The following EIF4ENIF1 variants were observed in gnomAD, a reference collection of about 807,000 sequenced individuals.
EIF4ENIF1 encodes the protein eukaryotic translation initiation factor 4E transporter.
A neutral mutation model predicts 110.5 loss-of-function variants in EIF4ENIF1; 23 were observed. That is an observed-to-expected ratio of 0.21 (90% CI 0.15 to 0.29). The LOEUF is 0.29. Ranked by LOEUF, EIF4ENIF1 falls within the 10% of genes least tolerant of loss-of-function variation. The pLI is 1.00. For missense variants in EIF4ENIF1, 1,031 were observed against 1,221.1 expected (o/e 0.84, Z 2.32); for synonymous variants, 440 against 437.0 (o/e 1.01, Z -0.09).
At chr22:31,448,343 G>C in intron 12 of EIF4ENIF1, 111 bp from the exon 13 acceptor site, 1 of 1,077,376 alleles carries the variant, frequency 9.3e-7, no homozygotes, top group Non-Finnish European at 1.4e-6. Flanking sequence ...GGAAAGCACT[G>C]ATTTATTGGG....
chr22:31,450,763 T>C (rs141281737), intron 10 of EIF4ENIF1: 2,584 of 252,604 alleles, frequency 0.01, 17 homozygotes, highest in Middle Eastern at 0.023. Flanking sequence ...CACATACATA[T>C]ATACATACAT....
Position 31,454,392 on chromosome 22 carries a change from C to T in EIF4ENIF1, c.1280-16G>A, listed in dbSNP as rs755187936. On this transcript the variant is annotated splice_polypyrimidine_tract_variant and intron_variant, in intron 9 of 18. Transcript: ENST00000330125. ...CCTGAATGTGCTGAGAAGTTGAGAA[C>T]GTCCAGGTTAAATCAAGCAAAGAGA... 1.4e-5 allele frequency: 23 copies of T among 1,608,674 alleles called. No homozygotes were observed. The highest frequency in any genetic ancestry group is 1.7e-4 in the Middle Eastern group (1 of 5,770).
At chr22:31,485,765 T>C (rs772455738) in intron 2 of EIF4ENIF1, among the ~76,000 whole-genome samples, 4 of 151,134 alleles carry the variant, frequency 2.6e-5, no homozygotes, top group Non-Finnish European at 4.4e-5. Flanking sequence ...GATCGTGCCA[T>C]TGCACTCCAG....
rs372740127 is a variant in EIF4ENIF1 at position 31,450,844 on chromosome 22, TACACACACACACACACACAC to T, written c.1513-504_1513-485del. The T allele has an allele frequency of 4.6e-3, 553 of 121,112 alleles. 4 individuals are homozygous for T. The highest frequency in any genetic ancestry group is 6.7e-3 in the Non-Finnish European group (398 of 59,486). The allele number at this position is 121,112 out of a possible 1,614,324, so 7.5% of individuals were successfully genotyped here. A position where few individuals can be genotyped will look rare whatever the true frequency, so the allele number is the denominator to read the frequency against. On this transcript the variant is annotated intron_variant, in intron 10 of 18. Transcript: ENST00000330125. ...CATACATACACACATATATATATAC[TACACACACACACACACACAC>T]ACACACACACACACACACACACACA...
chr22:31,450,844 TACACACACAC>T (rs372740127), intron 10 of EIF4ENIF1: 1,825 of 121,078 alleles, frequency 0.015, 24 homozygotes, highest in East Asian at 0.049. Context: ...ATATATATAC[TACACACACAC>T]ACACACACAC....
chr22:31,442,520 C>T (rs2050333900), intron 16 of EIF4ENIF1, among the ~76,000 whole-genome samples: 1 of 152,122 alleles, frequency 6.6e-6, no homozygotes, highest in South Asian at 2.1e-4. Flanking sequence ...ATTTGGAATC[C>T]GCATGTTACC....
intron 2 of EIF4ENIF1, among the ~76,000 whole-genome samples, chr22:31,482,358 G>T (rs2051849214): frequency 6.6e-6 from 1 of 152,144 alleles, no homozygotes; most frequent in Non-Finnish European, 1.5e-5. Flanking sequence ...AGCAAAGGAA[G>T]AACAGCATAA....
chr22:31,439,463 T>C lies in EIF4ENIF1; in HGVS notation c.*417A>G, dbSNP rs1432106111. 6.2e-6 allele frequency: 1 copy of C among 161,868 alleles called. No homozygotes were observed. Among genetic ancestry groups the C allele is most frequent in the Non-Finnish European group, 1.4e-5 (1 of 73,614 alleles). 10.0% of individuals were successfully genotyped at this position (161,868 alleles called of 1,614,324 possible). On this transcript the variant is annotated 3_prime_UTR_variant, in exon 19 of 19. Coordinates refer to ENST00000330125, the MANE Select transcript of EIF4ENIF1 (RefSeq NM_019843.4). ...TCCAAACTGTTGACACAGGCCTAAC[T>C]AATATCAGCTACTTTTATGTACAGC... is the stretch of plus-strand genomic sequence containing the variant.
chr22:31,444,832 C>A, intron 14 of EIF4ENIF1, 142 bp from the exon 15 acceptor site: 1 of 744,258 alleles, frequency 1.3e-6, no homozygotes, highest in Non-Finnish European at 2.3e-6. Context: ...TTAGGCCTAA[C>A]ATACACAAAA....
intron 1 of EIF4ENIF1, chr22:31,489,178 C>G (rs1045689764): frequency 6.4e-6 from 1 of 156,626 alleles, no homozygotes; most frequent in Non-Finnish European, 1.4e-5. Flanking sequence ...CCCTTGTTAT[C>G]CGGCGATCAG....
chr22:31,440,305 A>C (rs2050251440), intron 18 of EIF4ENIF1, among the ~76,000 whole-genome samples, 184 bp from the exon 19 acceptor site: 1 of 152,202 alleles, frequency 6.6e-6, no homozygotes, highest in African/African-American at 2.4e-5. Context: ...TGAGCTATTC[A>C]GAAGCTACCA....
chr22:31,449,621 G>A, intron 11 of EIF4ENIF1, 90 bp from the exon 12 acceptor site: 2 of 1,198,808 alleles, frequency 1.7e-6, no homozygotes, highest in Non-Finnish European at 2.3e-6. Context: ...AGAGCCACAA[G>A]ATGGATCTCC....
chr22:31,441,231 C>T (rs982594504), intron 17 of EIF4ENIF1, among the ~76,000 whole-genome samples: 4 of 146,316 alleles, frequency 2.7e-5, no homozygotes, highest in Admixed American at 6.8e-5. Context: ...CTAGCCTGGG[C>T]GACAGAGCGA....
intron 10 of EIF4ENIF1, chr22:31,453,505 G>A (rs1343879871): frequency 1.4e-5 from 3 of 220,300 alleles, no homozygotes; most frequent in South Asian, 5.5e-5. Flanking sequence ...CTCCCAAGTA[G>A]CTGAGATTAC....
At chr22:31,449,050 G>A (rs1237441265) in intron 12 of EIF4ENIF1, among the ~76,000 whole-genome samples, 2 of 152,018 alleles carry the variant, frequency 1.3e-5, no homozygotes, top group Non-Finnish European at 2.9e-5. Flanking sequence ...TCGCTCTGTC[G>A]CCCAGGCTGG....
chr22:31,440,994 G>A (rs778584345), intron 17 of EIF4ENIF1, 126 bp from the exon 18 acceptor site: 161 of 1,297,580 alleles, frequency 1.2e-4, no homozygotes, highest in African/African-American at 5.6e-4. Flanking sequence ...AGTGGCTCAC[G>A]CCTGTAATCC....
At chr22:31,487,074 A>C (rs1323960145) in intron 2 of EIF4ENIF1, among the ~76,000 whole-genome samples, 1 of 152,160 alleles carries the variant, frequency 6.6e-6, no homozygotes, top group African/African-American at 2.4e-5. Context: ...CCATCTCAAA[A>C]AAAAAAAAGT....
chr22:31,437,121 T>C (rs1185636159), downstream of EIF4ENIF1: 2 of 152,196 alleles, frequency 1.3e-5, no homozygotes, highest in Non-Finnish European at 2.9e-5. Flanking sequence ...CATTCCCACT[T>C]CCTTTTACCA....
At chr22:31,443,875 A>G (rs904340605) in intron 15 of EIF4ENIF1, among the ~76,000 whole-genome samples, 9 of 150,064 alleles carry the variant, frequency 6.0e-5, no homozygotes, top group South Asian at 2.1e-4. Context: ...GCTCACTGCA[A>G]CCTCTGCCTC....
Sources: allele counts gnomAD v4.1 joint callset (sites outside exome capture counted in the v4.1 genomes callset), GRCh38; gene constraint gnomAD v4.1.1; transcripts MANE v1.5; gene names NCBI Gene and HGNC (gene_info 2026-07-23, HGNC 2026-07-21).